Variants in SERF2 observed in about 807,000 individuals in gnomAD.
SERF2 encodes the protein small EDRK-rich factor 2.
A neutral mutation model predicts 10.7 loss-of-function variants in SERF2; 4 were observed. That is an observed-to-expected ratio of 0.37 (90% CI 0.18 to 0.86). SERF2 has a LOEUF of 0.86. Ranked by LOEUF, SERF2 falls within the 40% of genes least tolerant of loss-of-function variation. SERF2 has a pLI of 0.43. For missense variants in SERF2, 47 were observed against 79.1 expected, an observed-to-expected ratio of 0.59 and a Z score of 1.54; for synonymous variants, 26 against 26.0, an observed-to-expected ratio of 1.00 and a Z score of 0.01.
chr15:43,793,489 G>C (rs1037515963), intron 2 of SERF2: 5 of 1,342,204 alleles, frequency 3.7e-6, no homozygotes, highest in African/African-American at 3.0e-5. Context: ...TTGGGCCTGT[G>C]TCACCAGACT....
upstream of SERF2, chr15:43,792,301 C>G (rs2087076815): frequency 1.8e-5 from 23 of 1,284,576 alleles, no homozygotes; most frequent in Admixed American, 3.4e-5. Context: ...GCTACGTTGC[C>G]AGAAGGGGCG....
chr15:43,792,129 G>A, upstream of SERF2: 2 of 505,526 alleles, frequency 4.0e-6, no homozygotes, highest in South Asian at 2.0e-5. Context: ...CCGTCCCTAC[G>A]TCTCACTCGG....
chr15:43,794,153 T>C lies in SERF2; in HGVS notation c.*380T>C, dbSNP rs898318076. ...TCTTTAGATTCAGATTGTGGGTATG[T>C]AGACTTAATAAGTGAAACATCACAG... On this transcript the variant is annotated 3_prime_UTR_variant, in exon 3 of 3. Transcript: ENST00000249786. 4 of 594,736 alleles carry C rather than the reference T, an allele frequency of 6.7e-6. No individual in the cohort carries two copies. Among genetic ancestry groups the C allele is most frequent in the Non-Finnish European group, 1.2e-5 (4 of 345,984 alleles). 36.8% of individuals were successfully genotyped at this position (594,736 alleles called of 1,614,324 possible). A position where few individuals can be genotyped will look rare whatever the true frequency, so the allele number is the denominator to read the frequency against.
At chr15:43,785,594 T>TAGGGA (rs2087000029) in intron 2 of SERF2, 2 of 152,080 alleles carry the variant, frequency 1.3e-5, no homozygotes, top group Admixed American at 1.3e-4. Flanking sequence ...TCCCTATTGT[T>TAGGGA]GTTCAATACC....
In SERF2 at chr15:43,793,876, C is replaced by A. The variant is rs1218894823; in HGVS notation, c.*103C>A. 1.2e-6 allele frequency: 2 copies of A among 1,608,684 alleles called. No homozygotes were observed. The highest frequency in any genetic ancestry group is 1.7e-6 in the Non-Finnish European group (2 of 1,177,348). On this transcript the variant is annotated 3_prime_UTR_variant, in exon 3 of 3. Coordinates refer to ENST00000249786, the MANE Select transcript of SERF2 (RefSeq NM_001018108.4). ...CTGTAGTGCTCACAGGTCCCAGCAC[C>A]GATGGCATTCCCTTTGCCCTGAGTC...
chr15:43,792,244 G>A, upstream of SERF2: 1 of 805,268 alleles, frequency 1.2e-6, no homozygotes, highest in South Asian at 1.4e-5. Flanking sequence ...TGTCCAATGG[G>A]AGCCGGCTCC....
At position 43,792,676 on chromosome 15, in the gene SERF2, C is replaced by T. The variant is rs2087091792; in HGVS notation, c.7+293C>T. ...CCCCACTCCACAAGCCAGCCCATCC[C>T]CCACGGAGACCCAAACCGTCCACAC... On this transcript the variant is annotated intron_variant, in intron 1 of 2. Transcript: ENST00000249786. 5 of 1,262,910 alleles carry T rather than the reference C, an allele frequency of 4.0e-6. No individual in the cohort carries two copies. In the South Asian group the frequency reaches 8.1e-5, roughly 20 times the overall value. The allele number at this position is 1,262,910 out of a possible 1,614,324, so 78.2% of individuals were successfully genotyped here.
chr15:43,795,283 C>T lies in SERF2; in HGVS notation c.*1510C>T. The T allele has an allele frequency of 3.8e-6, 6 of 1,591,566 alleles. No homozygotes were observed. The highest frequency in any genetic ancestry group is 8.6e-7 in the Non-Finnish European group (1 of 1,160,552). ...CTTTTAGACCTGTTCTACCTCCTCA[C>T]CAAATATAATGGCAGACCCATGTGT... On this transcript the variant is annotated 3_prime_UTR_variant, in exon 3 of 3. Coordinates refer to ENST00000249786, the MANE Select transcript of SERF2 (RefSeq NM_001018108.4).
chr15:43,792,272 G>C (rs2087075624), upstream of SERF2: 3 of 1,012,074 alleles, frequency 3.0e-6, no homozygotes, highest in Non-Finnish European at 3.1e-6. Context: ...GAAGGGGCGG[G>C]GAGGAAAGGA....
chr15:43,793,574 A>C, intron 2 of SERF2, 136 bp from the exon 3 acceptor site: 1 of 1,551,788 alleles, frequency 6.4e-7, no homozygotes, highest in Non-Finnish European at 8.7e-7. Context: ...TTGTTCTCCT[A>C]GGGTGGGAGT....
chr15:43,788,841 A>G (rs2087028921), upstream of SERF2, among the ~76,000 whole-genome samples: 1 of 152,160 alleles, frequency 6.6e-6, no homozygotes, highest in African/African-American at 2.4e-5. Context: ...AGGTCATCGT[A>G]AGGCTCAAAT....
upstream of SERF2, among the ~76,000 whole-genome samples, chr15:43,791,287 G>T (rs1472835457): frequency 6.6e-6 from 1 of 151,096 alleles, no homozygotes; most frequent in Non-Finnish European, 1.5e-5. Flanking sequence ...TGTCGCCTGG[G>T]CTGGAGTGCA....
chr15:43,794,685 C>T lies in SERF2; in HGVS notation c.*912C>T, dbSNP rs1168911826. The T allele has an allele frequency of 1.1e-5, 3 of 281,598 alleles. No homozygotes were observed. The highest frequency in any genetic ancestry group is 7.2e-5 in the South Asian group (1 of 13,888). 17.4% of individuals were successfully genotyped at this position (281,598 alleles called of 1,614,324 possible). ...GTCCCTGTTGGTCTTTCCCCACCCCCACTTCCAGCCCAAGAGCCAGGAAAG... is the reference window on the plus strand; with the variant it reads ...GTCCCTGTTGGTCTTTCCCCACCCCTACTTCCAGCCCAAGAGCCAGGAAAG... On this transcript the variant is annotated 3_prime_UTR_variant, in exon 3 of 3. Coordinates refer to ENST00000249786, the MANE Select transcript of SERF2 (RefSeq NM_001018108.4).
rs976397453 is a variant in SERF2 at position 43,795,397 on chromosome 15, T to C, written c.*1624T>C. On this transcript the variant is annotated 3_prime_UTR_variant, in exon 3 of 3. Transcript: ENST00000249786. ...GCCCACTCCATCTTACCTGAACCAG[T>C]TGGTAAGGGTAACCATGACATAGAG... The C allele has an allele frequency of 3.7e-6, 6 of 1,614,026 alleles. No individual in the cohort carries two copies. In the African/African-American group the frequency reaches 5.3e-5, roughly 14 times the overall value.
intron 1 of SERF2, chr15:43,785,266 A>C (rs999774617): frequency 7.7e-6 from 1 of 129,580 alleles, no homozygotes; most frequent in African/African-American, 2.9e-5. Flanking sequence ...ATGAGGTTTC[A>C]CCATGTTGGC....
intron 2 of SERF2, chr15:43,793,503 G>T: frequency 7.0e-7 from 1 of 1,429,998 alleles, no homozygotes. Flanking sequence ...CCAGACTTCT[G>T]ACCCCTTGGG....
intron 1 of SERF2, among the ~76,000 whole-genome samples, chr15:43,779,344 TGAGA>T (rs1455273602): frequency 1.3e-5 from 2 of 151,942 alleles, no homozygotes; most frequent in Admixed American, 1.3e-4. Context: ...CCTGTAAGTG[TGAGA>T]GAGTGAATAA....
chr15:43,793,167 G>A (rs2087111363), intron 2 of SERF2, 84 bp downstream of exon 2: 1 of 833,362 alleles, frequency 1.2e-6, no homozygotes. Context: ...CTACCTCAGG[G>A]CTTGAATGTG....
chr15:43,782,268 A>C (rs1476389292), intron 1 of SERF2, among the ~76,000 whole-genome samples: 1 of 152,066 alleles, frequency 6.6e-6, no homozygotes, highest in African/African-American at 2.4e-5. Context: ...CATCCTCCTA[A>C]TGTAGTAATG....
Sources: allele counts gnomAD v4.1 joint callset (sites outside exome capture counted in the v4.1 genomes callset), GRCh38; gene constraint gnomAD v4.1.1; transcripts MANE v1.5; gene names NCBI Gene and HGNC (gene_info 2026-07-23, HGNC 2026-07-21).